The following RGS22 variants were observed in gnomAD, a reference collection of about 807,000 sequenced individuals.
The protein encoded by RGS22 is regulator of G-protein signaling 22.
Under a neutral mutation model 172.9 loss-of-function variants are expected in RGS22, and 148 were observed. That is an observed-to-expected ratio of 0.86 (90% confidence interval 0.75 to 0.98). The LOEUF (loss-of-function observed/expected upper bound fraction) is 0.98, where lower values mean the gene tolerates loss of function less well. RGS22 is among the 50% of genes least tolerant of loss of function. RGS22 has a pLI of 0.00. For missense variants in RGS22, 1,347 were observed against 1,440.8 expected (o/e 0.93, Z 1.05); for synonymous variants, 458 against 480.2 (o/e 0.95, Z 0.60).
Position 100,063,750 on chromosome 8 carries a change from G to C in RGS22, c.1018C>G (p.Pro340Ala). The change falls in exon 8 of 28, where the codon CCA becomes GCA. Residue 340 changes from proline to alanine, a missense_variant. Coordinates refer to ENST00000360863, the MANE Select transcript of RGS22 (RefSeq NM_015668.5). ...QIVGKPVGET[P>A]DYINFNNITK... Reference sequence around the variant, plus strand: ...ATATTGTTGAAGTTTATATAGTCTGGGGTTTCTCCAACTGGCTTTCCAACA... The same window carrying C: ...ATATTGTTGAAGTTTATATAGTCTGCGGTTTCTCCAACTGGCTTTCCAACA... 6.2e-7 allele frequency: 1 copy of C among 1,613,958 alleles called. No individual in the cohort carries two copies. The highest frequency in any genetic ancestry group is 8.5e-7 in the Non-Finnish European group (1 of 1,179,944).
chr8:100,093,441 A>G lies in RGS22; in HGVS notation c.117+6T>C, dbSNP rs775604260. The G allele has an allele frequency of 3.2e-6, 5 of 1,540,544 alleles. No homozygotes were observed. In the Admixed American group the frequency reaches 5.3e-5, roughly 16 times the overall value. On this transcript the variant is annotated splice_donor_region_variant and intron_variant, in intron 3 of 27. Coordinates refer to ENST00000360863, the MANE Select transcript of RGS22 (RefSeq NM_015668.5). Reference sequence around the variant, plus strand: ...TATATTCAATAGATCATAATAATAAACTCACTGGAAGGCTTAGGAATTCAT... The same window carrying G: ...TATATTCAATAGATCATAATAATAAGCTCACTGGAAGGCTTAGGAATTCAT...
rs781257889 is a variant in RGS22 at position 100,063,686 on chromosome 8, T to C, written c.1082A>G (p.His361Arg). The change falls in exon 8 of 28, where the codon CAT becomes CGT. Residue 361 changes from histidine (H) to arginine (R), a missense_variant. Transcript: ENST00000360863. ...TAATTCACTTAAAAAATTCTTGCCATGAATAGACTCAAAACAATCATCAAA... is the reference window on the plus strand; with the variant it reads ...TAATTCACTTAAAAAATTCTTGCCACGAATAGACTCAAAACAATCATCAAA... ...VSFDDCFESI[H>R]GKNFLSELVQ... 7 of 1,614,070 alleles carry C rather than the reference T, an allele frequency of 4.3e-6. No individual in the cohort carries two copies. The highest frequency in any genetic ancestry group is 5.1e-6 in the Non-Finnish European group (6 of 1,179,972).
intron 11 of RGS22, among the ~76,000 whole-genome samples, chr8:100,045,883 T>G (rs1820667755): frequency 6.6e-6 from 1 of 151,840 alleles, no homozygotes; most frequent in Non-Finnish European, 1.5e-5. Flanking sequence ...TAGAGCAATG[T>G]ATAAGAATAT....
chr8:99,999,155 C>T, intron 19 of RGS22, 107 bp downstream of exon 19: 1 of 939,436 alleles, frequency 1.1e-6, no homozygotes, highest in Non-Finnish European at 1.5e-6. Flanking sequence ...AGAGCCCATT[C>T]CTTAAAAAAA....
At chr8:99,980,957 T>C (rs1273512417) in intron 22 of RGS22, among the ~76,000 whole-genome samples, 3 of 152,204 alleles carry the variant, frequency 2.0e-5, no homozygotes, top group Non-Finnish European at 2.9e-5. Flanking sequence ...CCTATTTTAA[T>C]GCATAATTTG....
rs1431665600 is a variant in RGS22 at position 99,962,906 on chromosome 8, GTTC to G, written c.3685_3687del (p.Glu1229del). On this transcript the variant is annotated inframe_deletion, in exon 25 of 28. Transcript: ENST00000360863. ...TTACCTGCAAACAACTTTTTTTCTA[GTTC>G]TTCTTGGATCTTAAGAAGAATTCTC... 6.2e-7 allele frequency: 1 copy of G among 1,600,300 alleles called. No homozygotes were observed. The highest frequency in any genetic ancestry group is 1.2e-5 in the South Asian group (1 of 86,896).
At chr8:100,103,732 A>C (rs1586310882) in intron 2 of RGS22, among the ~76,000 whole-genome samples, 1 of 152,290 alleles carries the variant, frequency 6.6e-6, no homozygotes, top group East Asian at 1.9e-4. Flanking sequence ...CTTTCATGAG[A>C]AAAGAAAAAG....
At chr8:99,991,702 T>C (rs954725620) in intron 20 of RGS22, among the ~76,000 whole-genome samples, 1 of 152,168 alleles carries the variant, frequency 6.6e-6, no homozygotes. Context: ...CTTCAGGATA[T>C]TATCCAGGAG....
chr8:99,981,922 G>A lies in RGS22; in HGVS notation c.3360+15C>T, dbSNP rs752180792. On this transcript the variant is annotated intron_variant, in intron 22 of 27. Coordinates refer to ENST00000360863, the MANE Select transcript of RGS22 (RefSeq NM_015668.5). ...TATTTTAAAATATGCTTAGCCACAT[G>A]CCCTGATCTCTTACCTGTGCCTCTC... The A allele has an allele frequency of 7.5e-6, 12 of 1,598,064 alleles. No individual in the cohort carries two copies. In the South Asian group the frequency reaches 1.1e-4, roughly 15 times the overall value.
intron 20 of RGS22, among the ~76,000 whole-genome samples, chr8:99,990,281 A>G (rs983227704): frequency 6.6e-6 from 1 of 152,138 alleles, no homozygotes; most frequent in Non-Finnish European, 1.5e-5. Context: ...ATAAAAAATA[A>G]TTTTTTAAAA....
At chr8:100,028,348 T>C (rs1484573650) in intron 14 of RGS22, among the ~76,000 whole-genome samples, 2 of 150,910 alleles carry the variant, frequency 1.3e-5, no homozygotes, top group East Asian at 2.0e-4. Context: ...GCTGCCAAGA[T>C]ACCAGAAAAG....
intron 23 of RGS22, among the ~76,000 whole-genome samples, chr8:99,975,523 T>C (rs1811833548): frequency 6.6e-6 from 1 of 151,974 alleles, no homozygotes; most frequent in Non-Finnish European, 1.5e-5. Flanking sequence ...ACCCAAGGCC[T>C]AGCATTTCAT....
intron 3 of RGS22, among the ~76,000 whole-genome samples, chr8:100,081,374 A>ATATAT (rs1454722353): frequency 6.8e-6 from 1 of 147,530 alleles, no homozygotes; most frequent in East Asian, 1.9e-4. Flanking sequence ...ATATATATAT[A>ATATAT]TATATATATT....
chr8:100,100,900 T>C (rs1813420607), intron 2 of RGS22, among the ~76,000 whole-genome samples: 2 of 152,194 alleles, frequency 1.3e-5, no homozygotes, highest in South Asian at 4.1e-4. Context: ...CTTTTCCTTT[T>C]TTAAACAGCT....
At chr8:100,022,470 G>C (rs1252937752) in intron 14 of RGS22, among the ~76,000 whole-genome samples, 1 of 152,054 alleles carries the variant, frequency 6.6e-6, no homozygotes, top group East Asian at 1.9e-4. Flanking sequence ...AGATAGATTT[G>C]GGTCATTGCT....
At position 100,063,937 on chromosome 8, in the gene RGS22, C is replaced by T. The variant is rs1417367500; in HGVS notation, c.831G>A (p.Glu277=). 4 of 1,587,346 alleles carry T rather than the reference C, an allele frequency of 2.5e-6. No individual in the cohort carries two copies. Among genetic ancestry groups the T allele is most frequent in the Non-Finnish European group, 3.4e-6 (4 of 1,167,132 alleles). The change falls in exon 8 of 28, where the codon GAG becomes GAA. Residue 277 remains glutamate, a synonymous_variant. Coordinates refer to ENST00000360863, the MANE Select transcript of RGS22 (RefSeq NM_015668.5). Reference sequence around the variant, plus strand: ...GAGTGTCTTGTAGAGATACAGACACCTCTTCTTCTTCTCCTTCTTCTTCTT... The same window carrying T: ...GAGTGTCTTGTAGAGATACAGACACTTCTTCTTCTTCTCCTTCTTCTTCTT... ...EFEEEEGEEE[E]VSVSLQDTPS... is the part of the protein sequence containing the mutation.
chr8:100,047,765 T>A (rs1018036297), intron 10 of RGS22, among the ~76,000 whole-genome samples, 169 bp from the exon 11 acceptor site: 2 of 152,180 alleles, frequency 1.3e-5, no homozygotes, highest in African/African-American at 4.8e-5. Flanking sequence ...CCTACTTTTA[T>A]GCAAGCTGCA....
At chr8:100,090,539 GT>G (rs1309589661) in intron 3 of RGS22, among the ~76,000 whole-genome samples, 3 of 152,168 alleles carry the variant, frequency 2.0e-5, no homozygotes, top group African/African-American at 7.2e-5. Flanking sequence ...GCTGGTTATG[GT>G]TAGTCAACCA....
In RGS22 at chr8:100,093,513, C is replaced by CAAAA; in HGVS notation, c.55-8_55-5dup. 7.4e-7 allele frequency: 1 copy of CAAAA among 1,350,612 alleles called. No homozygotes were observed. The highest frequency in any genetic ancestry group is 2.1e-5 in the Admixed American group (1 of 48,032). The allele number at this position is 1,350,612 out of a possible 1,614,324, so 83.7% of individuals were successfully genotyped here. ...CATCTGTTGCCAGAGAATCTTCCTG[C>CAAAA]AAAAAAAAAACATAAAAACACAGTA... On this transcript the variant is annotated splice_polypyrimidine_tract_variant and splice_region_variant and intron_variant, in intron 2 of 27. Coordinates refer to ENST00000360863, the MANE Select transcript of RGS22 (RefSeq NM_015668.5).
Sources: allele counts gnomAD v4.1 joint callset (sites outside exome capture counted in the v4.1 genomes callset), GRCh38; gene constraint gnomAD v4.1.1; transcripts MANE v1.5; gene names NCBI Gene and HGNC (gene_info 2026-07-23, HGNC 2026-07-21).